The following PCDH11X variants were observed in gnomAD, a reference collection of about 807,000 sequenced individuals.
PCDH11X encodes protocadherin-11 X-linked.
In PCDH11X, 18 loss-of-function variants were observed where a neutral mutation model predicts 53.3. The observed-to-expected ratio is 0.34, with a 90% CI of 0.23 to 0.50. The LOEUF is 0.50. PCDH11X is among the 20% of genes least tolerant of loss of function. The probability of loss-of-function intolerance (pLI) is 0.98; values close to 1 mark genes in which losing one functional copy is unlikely to be tolerated. For synonymous variants in PCDH11X, 279 were observed against 393.3 expected (o/e 0.71, Z 3.44); for missense variants, 570 against 1,032.4 (o/e 0.55, Z 6.14).
chrX:92,369,816 C>T (rs1212320692), intron 8 of PCDH11X, among the ~76,000 whole-genome samples: 1 of 110,561 alleles, frequency 9.0e-6, no homozygotes, highest in Non-Finnish European at 1.9e-5. Context: ...GCTCACCCTC[C>T]GTGGGTTGGA....
intron 6 of PCDH11X, among the ~76,000 whole-genome samples, chrX:91,882,095 C>T (rs1939934825): frequency 9.1e-6 from 1 of 109,555 alleles, no homozygotes; most frequent in African/African-American, 3.3e-5. Context: ...GTTTTTCTGA[C>T]TTGGATGTTC....
At chrX:92,422,125 A>ATTTCT (rs2071982204) in intron 9 of PCDH11X, among the ~76,000 whole-genome samples, 1 of 89,114 alleles carries the variant, frequency 1.1e-5, no homozygotes, top group African/African-American at 3.9e-5. Context: ...AACCCGTAGA[A>ATTTCT]TTTCTTTTCT....
rs1216580731 is a variant in PCDH11X at position 92,286,302 on chromosome X, C to T, written c.3144+23159C>T. 2.7e-5 allele frequency among the ~76,000 whole-genome samples: 3 copies of T among 109,333 alleles called. No individual in the cohort carries two copies. The East Asian group carries it at 8.6e-4, about 32-fold the overall frequency. The allele number at this position is 109,333 out of a possible 115,157, so 94.9% of individuals were successfully genotyped here. On this transcript the variant is annotated intron_variant, in intron 8 of 10. Transcript: ENST00000682573. ...AGGAAAAAATTATTTAATGTTGGTGCATACAAATATTCCAGCATTTCACAG... is the reference window on the plus strand; with the variant it reads ...AGGAAAAAATTATTTAATGTTGGTGTATACAAATATTCCAGCATTTCACAG...
intron 6 of PCDH11X, among the ~76,000 whole-genome samples, chrX:91,971,813 A>T (rs1206964499): frequency 9.0e-6 from 1 of 110,901 alleles, no homozygotes; most frequent in Admixed American, 9.7e-5. Context: ...TTCTGGGATA[A>T]TTTTTTTTAT....
chrX:91,990,695 C>T (rs1017045552), intron 6 of PCDH11X, among the ~76,000 whole-genome samples: 1 of 106,511 alleles, frequency 9.4e-6, no homozygotes, highest in African/African-American at 3.5e-5. Flanking sequence ...CTTCTGTTAA[C>T]ACACAGGAGG....
chrX:92,545,823 T>C (rs2074844354), intron 10 of PCDH11X, among the ~76,000 whole-genome samples: 1 of 109,696 alleles, frequency 9.1e-6, no homozygotes, highest in African/African-American at 3.3e-5. Context: ...AGAATTAGTT[T>C]AAAGGTGTGA....
intron 6 of PCDH11X, among the ~76,000 whole-genome samples, chrX:92,006,412 T>G (rs1455669373): frequency 4.7e-5 from 5 of 107,121 alleles, no homozygotes; most frequent in Non-Finnish European, 7.7e-5. Flanking sequence ...CATTATTCAG[T>G]AAGCCAATTG....
chrX:91,954,928 C>A (rs1349257605), intron 6 of PCDH11X, among the ~76,000 whole-genome samples: 4 of 108,282 alleles, frequency 3.7e-5, no homozygotes, highest in Admixed American at 2.9e-4. Context: ...TTGATAGTTT[C>A]TTTTGCTGTG....
chrX:92,513,995 C>T (rs2074210162), intron 10 of PCDH11X, among the ~76,000 whole-genome samples: 1 of 111,241 alleles, frequency 9.0e-6, no homozygotes, highest in Non-Finnish European at 1.9e-5. Flanking sequence ...TCTGGCTTCA[C>T]TTAGCATAGT....
chrX:91,804,766 G>A (rs749583926), intron 1 of PCDH11X, among the ~76,000 whole-genome samples: 1 of 111,091 alleles, frequency 9.0e-6, no homozygotes, highest in South Asian at 3.8e-4. Context: ...GTGATAAAAT[G>A]TCATGATAAA....
rs368122665 is a variant in PCDH11X, at chrX:92,520,332, A to G, written c.3367+52010A>G. Among the ~76,000 whole-genome samples the G allele has an allele frequency of 3.8e-5, 4 of 106,661 alleles. No homozygotes were observed. In the East Asian group the frequency reaches 1.2e-3, roughly 32 times the overall value. The allele number at this position is 106,661 out of a possible 115,157, so 92.6% of individuals were successfully genotyped here. A position where few individuals can be genotyped will look rare whatever the true frequency, so the allele number is the denominator to read the frequency against. On this transcript the variant is annotated intron_variant, in intron 10 of 10. Transcript: ENST00000682573. ...ATGTCTTTTAAAATGTATATACCTTAGTTTAAAAATATTGCTAAAAAATGC... is the reference window on the plus strand; with the variant it reads ...ATGTCTTTTAAAATGTATATACCTTGGTTTAAAAATATTGCTAAAAAATGC...
chrX:92,263,926 G>A (rs1282213763), intron 8 of PCDH11X, among the ~76,000 whole-genome samples: 1 of 111,852 alleles, frequency 8.9e-6, no homozygotes, highest in Non-Finnish European at 1.9e-5. Flanking sequence ...TATGTTTTGA[G>A]GTTTAAAGAA....
At chrX:92,101,104 G>C (rs1301831478) in intron 6 of PCDH11X, among the ~76,000 whole-genome samples, 1 of 112,108 alleles carries the variant, frequency 8.9e-6, no homozygotes, top group Middle Eastern at 4.3e-3. Flanking sequence ...AGAGTTAAGA[G>C]TAGCGGTTTG....
At chrX:91,825,639 C>G (rs1014892069) in intron 4 of PCDH11X, among the ~76,000 whole-genome samples, 2 of 110,073 alleles carry the variant, frequency 1.8e-5, no homozygotes, top group Non-Finnish European at 3.8e-5. Flanking sequence ...CTGTCTTCTG[C>G]GTCGCTCAGG....
chrX:92,327,545 G>A (rs36071372), intron 8 of PCDH11X, among the ~76,000 whole-genome samples: 17,439 of 79,032 alleles, frequency 0.22, 2,780 homozygotes, highest in African/African-American at 0.34. Flanking sequence ...TGTGAGAAAT[G>A]ATAATTGTCA....
At chrX:92,336,717 T>C (rs945060028) in intron 8 of PCDH11X, among the ~76,000 whole-genome samples, 6 of 111,905 alleles carry the variant, frequency 5.4e-5, no homozygotes, top group African/African-American at 1.9e-4. Flanking sequence ...CTCACACTTA[T>C]GAGTCACGCA....
At chrX:91,903,656 C>CGTGCGT (rs1556329942) in intron 6 of PCDH11X, among the ~76,000 whole-genome samples, 4 of 93,945 alleles carry the variant, frequency 4.3e-5, no homozygotes, top group African/African-American at 1.6e-4. Flanking sequence ...CCTCTATGTG[C>CGTGCGT]GTGTGTGTGT....
chrX:92,386,514 T>C (rs1011778370), intron 8 of PCDH11X, among the ~76,000 whole-genome samples: 15 of 109,930 alleles, frequency 1.4e-4, no homozygotes, highest in Non-Finnish European at 2.5e-4. Flanking sequence ...AATTTTTAGG[T>C]CAGGAATTTA....
At position 92,121,686 on chromosome X, in the gene PCDH11X, G is replaced by A. The variant is rs143220948; in HGVS notation, c.3034-79689G>A. Among the ~76,000 whole-genome samples the A allele has an allele frequency of 7.9e-3, 865 of 109,733 alleles. 8 individuals carry two copies. Among genetic ancestry groups the A allele is most frequent in the African/African-American group, 0.027 (817 of 30,123 alleles). On this transcript the variant is annotated intron_variant, in intron 6 of 10. Coordinates refer to ENST00000682573, the MANE Select transcript of PCDH11X (RefSeq NM_032968.5). ...AAATTGTTTAAATGTAAACAAAGAT[G>A]ATATCAATTTTTTCAATTTTTATTG...
Sources: allele counts gnomAD v4.1 joint callset (sites outside exome capture counted in the v4.1 genomes callset), GRCh38; gene constraint gnomAD v4.1.1; transcripts MANE v1.5; gene names NCBI Gene and HGNC (gene_info 2026-07-23, HGNC 2026-07-21).